The following ASH1L variants were observed in gnomAD, a reference collection of about 807,000 sequenced individuals.
The protein encoded by ASH1L is histone-lysine N-methyltransferase ASH1L.
ASH1L carries 23 observed loss-of-function variants against 269.0 expected under a neutral mutation model. The ratio of observed to expected loss-of-function variants is 0.09; its 90% CI spans 0.06 to 0.12. The LOEUF is 0.12. Among genes scored for constraint, ASH1L ranks in the 10% least tolerant of loss-of-function variants. The pLI is 1.00. For missense variants in ASH1L, 2,912 were observed against 3,567.8 expected, an observed-to-expected ratio of 0.82 and a Z score of 4.68; for synonymous variants, 1,187 against 1,253.5, an observed-to-expected ratio of 0.95 and a Z score of 1.12.
At chr1:155,551,818 A>T (rs1172261862) in intron 1 of ASH1L, among the ~76,000 whole-genome samples, 12 of 133,992 alleles carry the variant, frequency 9.0e-5, no homozygotes, top group South Asian at 5.0e-4. Context: ...AGATAAAAAA[A>T]AAAAAAAATT....
chr1:155,368,136 C>T (rs1655606475), intron 12 of ASH1L, among the ~76,000 whole-genome samples: 1 of 152,078 alleles, frequency 6.6e-6, no homozygotes, highest in Non-Finnish European at 1.5e-5. Flanking sequence ...CCAAGTAGCA[C>T]CATCACACCC....
rs1558230451 is a variant in ASH1L at position 155,562,727 on chromosome 1, A to G, written c.-674T>C. ...CAGGAACCCCCTCGTCCAGTCCCTC[A>G]CTACCCCTCAGGCCCTGTCAAGCCG... On this transcript the variant is annotated 5_prime_UTR_variant, in exon 1 of 28. Transcript: ENST00000392403. 2 of 1,363,586 alleles carry G rather than the reference A, an allele frequency of 1.5e-6. No homozygotes were observed. Among genetic ancestry groups the G allele is most frequent in the Non-Finnish European group, 2.0e-6 (2 of 998,074 alleles). 84.5% of individuals were successfully genotyped at this position (1,363,586 alleles called of 1,614,324 possible). A position where few individuals can be genotyped will look rare whatever the true frequency, so the allele number is the denominator to read the frequency against.
intron 5 of ASH1L, among the ~76,000 whole-genome samples, chr1:155,418,496 CAG>C (rs1286173411): frequency 6.6e-6 from 1 of 151,884 alleles, no homozygotes; most frequent in African/African-American, 2.4e-5. Flanking sequence ...ATAATACTAA[CAG>C]AATCTTAGAA....
Position 155,481,613 on chromosome 1 carries a change from T to C in ASH1L, c.1257A>G (p.Lys419=). 6.2e-7 allele frequency: 1 copy of C among 1,614,180 alleles called. No individual in the cohort carries two copies. Among genetic ancestry groups the C allele is most frequent in the South Asian group, 1.1e-5 (1 of 91,078 alleles). ...CTTCGGCTTTAAGGTTTATGGCATC[T>C]TTACTGATCAGACCTGCCAAAGGAC... The part of the protein sequence containing the change: ...MSCPLAGLIS[K]DAINLKAEAL... The change falls in exon 3 of 28, where the codon AAA becomes AAG. Residue 419 remains lysine, a synonymous_variant. Coordinates refer to ENST00000392403, the MANE Select transcript of ASH1L (RefSeq NM_018489.3).
At chr1:155,519,417 C>T (rs1184853815) in intron 2 of ASH1L, among the ~76,000 whole-genome samples, 1 of 151,898 alleles carries the variant, frequency 6.6e-6, no homozygotes, top group Non-Finnish European at 1.5e-5. Context: ...GCCTGGGCAA[C>T]AAGAGTGAAA....
chr1:155,410,632 A>G (rs140215216), intron 6 of ASH1L, among the ~76,000 whole-genome samples: 1 of 151,982 alleles, frequency 6.6e-6, no homozygotes, highest in African/African-American at 2.4e-5. Flanking sequence ...GAGCAATCGC[A>G]CCTGGCCTTT....
In ASH1L at chr1:155,370,935, T is replaced by C; in HGVS notation, c.6381A>G (p.Gln2127=). Residue 2127 remains glutamine (Q), a synonymous_variant, in exon 11 of 28, where the codon CAA becomes CAG. Transcript: ENST00000392403. ...CSPNTCPCGE[Q]CCNQRIQRHE... The stretch of plus-strand genomic sequence containing the variant: ...GCCTCTGTATCCTCTGGTTACAGCA[T>C]TGCTCGCCACATGGGCAAGTGTTGG... 6.2e-7 allele frequency: 1 copy of C among 1,614,188 alleles called. No individual in the cohort carries two copies. The highest frequency in any genetic ancestry group is 1.3e-5 in the African/African-American group (1 of 75,042).
chr1:155,460,653 T>A (rs921896355), intron 3 of ASH1L, among the ~76,000 whole-genome samples: 1 of 152,008 alleles, frequency 6.6e-6, no homozygotes, highest in Admixed American at 6.6e-5. Flanking sequence ...ACACATCCTA[T>A]CCAATTCACA....
At chr1:155,518,184 A>G (rs1337335545) in intron 2 of ASH1L, among the ~76,000 whole-genome samples, 2 of 152,220 alleles carry the variant, frequency 1.3e-5, no homozygotes, top group African/African-American at 4.8e-5. Flanking sequence ...AAAACTGAAT[A>G]TCATGTAAAG....
chr1:155,481,280 C>T lies in ASH1L; in HGVS notation c.1590G>A (p.Pro530=), dbSNP rs201173934. The change falls in exon 3 of 28, where the codon CCG becomes CCA. Residue 530 remains proline (P), a synonymous_variant. Coordinates refer to ENST00000392403, the MANE Select transcript of ASH1L (RefSeq NM_018489.3). ...CAGAAGCACCTCCCATTTTAAAGTC[C>T]GGAGAAGTGCAATATACAGGAGGCT... ...EKQPPVYCTS[P]DFKMGGASDV... The T allele has an allele frequency of 7.1e-5, 114 of 1,614,052 alleles. No homozygotes were observed. In the Middle Eastern group the frequency reaches 8.3e-4, roughly 12 times the overall value.
rs578167121 is a variant in ASH1L, at chr1:155,339,998, A to G, written c.8461-630T>C. 2.6e-5 allele frequency among the ~76,000 whole-genome samples: 4 copies of G among 152,256 alleles called. No homozygotes were observed. The South Asian group carries it at 6.2e-4, about 24-fold the overall frequency. On this transcript the variant is annotated intron_variant, in intron 25 of 27. Transcript: ENST00000392403. ...CAATGTTGACTGAAACATGTTGCAC[A>G]TGACTGTAGTTAAGGCTGGGGTTTC...
chr1:155,431,739 G>A (rs1661625019), intron 5 of ASH1L, among the ~76,000 whole-genome samples: 1 of 152,016 alleles, frequency 6.6e-6, no homozygotes, highest in African/African-American at 2.4e-5. Context: ...GTCCAGCCTG[G>A]GGGACGCAGC....
intron 2 of ASH1L, among the ~76,000 whole-genome samples, chr1:155,518,996 A>C (rs1010648038): frequency 1.2e-4 from 19 of 152,246 alleles, no homozygotes; most frequent in African/African-American, 4.3e-4. Flanking sequence ...CGTATGACCC[A>C]GCAATTCTAT....
At chr1:155,435,314 A>T (rs1035006829) in intron 5 of ASH1L, among the ~76,000 whole-genome samples, 2 of 152,232 alleles carry the variant, frequency 1.3e-5, no homozygotes, top group African/African-American at 4.8e-5. Context: ...AGCTAAATAT[A>T]AAAAAGCAAG....
chr1:155,339,042 G>A (rs1558009808), intron 26 of ASH1L, among the ~76,000 whole-genome samples: 1 of 152,166 alleles, frequency 6.6e-6, no homozygotes, highest in Non-Finnish European at 1.5e-5. Flanking sequence ...TGAGGTAATG[G>A]GGAAAGCTTA....
intron 7 of ASH1L, among the ~76,000 whole-genome samples, chr1:155,394,083 A>G (rs1171571185): frequency 1.3e-5 from 2 of 152,194 alleles, no homozygotes; most frequent in Non-Finnish European, 2.9e-5. Context: ...TATTTTAAAG[A>G]AAATAAATCG....
At chr1:155,486,655 T>G (rs1666346727) in intron 2 of ASH1L, among the ~76,000 whole-genome samples, 1 of 152,102 alleles carries the variant, frequency 6.6e-6, no homozygotes, top group Admixed American at 6.5e-5. Flanking sequence ...ATGTATCCCA[T>G]AAATACACTA....
At chr1:155,527,899 T>C (rs549557201) in intron 1 of ASH1L, among the ~76,000 whole-genome samples, 25 of 152,208 alleles carry the variant, frequency 1.6e-4, no homozygotes, top group African/African-American at 5.8e-4. Context: ...CTCTGTCTCC[T>C]TTGCAGGTTC....
chr1:155,356,803 A>T (rs933772653), intron 15 of ASH1L, among the ~76,000 whole-genome samples: 2 of 151,902 alleles, frequency 1.3e-5, no homozygotes, highest in African/African-American at 4.8e-5. Context: ...AGGGAACATA[A>T]GATGGTTTGG....
Sources: allele counts gnomAD v4.1 joint callset (sites outside exome capture counted in the v4.1 genomes callset), GRCh38; gene constraint gnomAD v4.1.1; transcripts MANE v1.5; gene names NCBI Gene and HGNC (gene_info 2026-07-23, HGNC 2026-07-21).